Variants in LRRC31 observed in about 807,000 individuals in gnomAD.
LRRC31 encodes the protein leucine-rich repeat-containing protein 31.
Under a neutral mutation model 46.7 loss-of-function variants are expected in LRRC31, and 35 were observed. The ratio of observed to expected loss-of-function variants is 0.75; its 90% CI spans 0.57 to 0.99. LRRC31 has a LOEUF of 0.99. Among genes scored for constraint, LRRC31 ranks in the 50% least tolerant of loss-of-function variants. The pLI, the probability that LRRC31 is intolerant of heterozygous loss-of-function variation, is 0.00. For synonymous variants in LRRC31, 236 were observed against 235.1 expected (o/e 1.00, Z -0.03); for missense variants, 613 against 626.1 (o/e 0.98, Z 0.22).
intron 1 of LRRC31, among the ~76,000 whole-genome samples, chr3:169,864,906 G>A (rs1283533218): frequency 3.3e-5 from 5 of 151,976 alleles, no homozygotes; most frequent in African/African-American, 7.2e-5. Flanking sequence ...GCAAAACACC[G>A]TCTCTATTAA....
rs946424667 is a variant in LRRC31, at chr3:169,848,438, G to A, written c.1160-151C>T. 6.1e-6 allele frequency: 4 copies of A among 654,438 alleles called. No homozygotes were observed. In the East Asian group the frequency reaches 8.5e-5, roughly 14 times the overall value. The allele number at this position is 654,438 out of a possible 1,614,324, so 40.5% of individuals were successfully genotyped here. A position where few individuals can be genotyped will look rare whatever the true frequency, so the allele number is the denominator to read the frequency against. On this transcript the variant is annotated intron_variant, in intron 7 of 8. Transcript: ENST00000316428. ...CATTTTCTTCTGCCTTAAATTTATG[G>A]CCTCAATTTATGTTGTCTGTTTTTT...
intron 8 of LRRC31, among the ~76,000 whole-genome samples, chr3:169,844,066 CTG>C (rs1261578633): frequency 6.6e-6 from 1 of 152,056 alleles, no homozygotes; most frequent in Non-Finnish European, 1.5e-5. Flanking sequence ...CACAATCTTT[CTG>C]GAAAATAAAA....
chr3:169,862,833 T>C (rs1346547009), intron 1 of LRRC31, among the ~76,000 whole-genome samples: 3 of 152,092 alleles, frequency 2.0e-5, no homozygotes, highest in Non-Finnish European at 2.9e-5. Flanking sequence ...GCACCTGTTA[T>C]GTACTCGTTC....
intron 6 of LRRC31, among the ~76,000 whole-genome samples, chr3:169,852,208 C>T (rs1228753358): frequency 6.7e-6 from 1 of 149,504 alleles, no homozygotes; most frequent in Non-Finnish European, 1.5e-5. Context: ...ACCATCCTGG[C>T]TAACACGGTG....
intron 1 of LRRC31, 83 bp downstream of exon 1, chr3:169,869,550 A>C (rs1781427199): frequency 2.3e-6 from 3 of 1,305,494 alleles, no homozygotes; most frequent in African/African-American, 3.0e-5. Flanking sequence ...GTACCCACAA[A>C]AATTAAAAAT....
intron 7 of LRRC31, among the ~76,000 whole-genome samples, chr3:169,850,887 C>T (rs1576787362): frequency 6.6e-6 from 1 of 152,072 alleles, no homozygotes. Flanking sequence ...AAATCCATCA[C>T]CCAGGGAAAC....
chr3:169,844,741 G>A (rs1331072033), intron 8 of LRRC31, among the ~76,000 whole-genome samples: 1 of 152,120 alleles, frequency 6.6e-6, no homozygotes, highest in African/African-American at 2.4e-5. Flanking sequence ...AGACTATCCT[G>A]ACCAACATGG....
At chr3:169,841,496 A>C (rs1780447074) in intron 8 of LRRC31, among the ~76,000 whole-genome samples, 2 of 152,190 alleles carry the variant, frequency 1.3e-5, no homozygotes, top group Admixed American at 6.5e-5. Flanking sequence ...CTCTGTCTCT[A>C]GGTGTTCATG....
chr3:169,857,345 T>TATATATATATACACAC (rs1491209579), intron 3 of LRRC31, among the ~76,000 whole-genome samples: 7 of 89,424 alleles, frequency 7.8e-5, no homozygotes, highest in Admixed American at 1.4e-4. Flanking sequence ...TATATATATA[T>TATATATATATACACAC]ACACACACAC....
intron 1 of LRRC31, among the ~76,000 whole-genome samples, chr3:169,863,530 T>A (rs1258511533): frequency 6.6e-6 from 1 of 151,110 alleles, no homozygotes; most frequent in Non-Finnish European, 1.5e-5. Context: ...TGTGGCTTCC[T>A]GTTTGGTCTA....
intron 1 of LRRC31, among the ~76,000 whole-genome samples, chr3:169,863,134 C>T (rs1156432478): frequency 2.0e-5 from 3 of 152,034 alleles, no homozygotes; most frequent in African/African-American, 4.8e-5. Context: ...TCCACCTACC[C>T]GGCCTCCCAA....
intron 8 of LRRC31, among the ~76,000 whole-genome samples, chr3:169,843,774 A>G (rs1780520913): frequency 6.6e-6 from 1 of 152,228 alleles, no homozygotes; most frequent in Non-Finnish European, 1.5e-5. Flanking sequence ...CAGGAATGAG[A>G]CAGGTGGTAT....
intron 4 of LRRC31, 61 bp from the exon 5 acceptor site, chr3:169,856,564 CCTGGG>C: frequency 7.0e-7 from 1 of 1,424,824 alleles, no homozygotes; most frequent in Non-Finnish European, 9.4e-7. Context: ...TTTTACATCA[CCTGGG>C]GATATCGTGA....
intron 7 of LRRC31, among the ~76,000 whole-genome samples, chr3:169,848,535 C>A (rs550875870): frequency 6.6e-6 from 1 of 152,324 alleles, no homozygotes; most frequent in South Asian, 2.1e-4. Context: ...TGGCTCACTG[C>A]AACCTCCGCC....
intron 1 of LRRC31, among the ~76,000 whole-genome samples, chr3:169,862,763 AAAAT>A (rs576096118): frequency 2.0e-5 from 3 of 152,244 alleles, no homozygotes; most frequent in African/African-American, 4.8e-5. Context: ...GCATCTAAAA[AAAAT>A]AAATAAATAA....
chr3:169,862,526 G>A (rs994575872), intron 1 of LRRC31, among the ~76,000 whole-genome samples: 1 of 152,124 alleles, frequency 6.6e-6, no homozygotes, highest in East Asian at 1.9e-4. Flanking sequence ...ACTTTGGAAG[G>A]CTGAGGCGGG....
chr3:169,846,492 A>C (rs1780609298), intron 8 of LRRC31, among the ~76,000 whole-genome samples: 1 of 152,216 alleles, frequency 6.6e-6, no homozygotes, highest in Non-Finnish European at 1.5e-5. Context: ...TCTACCAAAA[A>C]TACAAAAATT....
intron 6 of LRRC31, chr3:169,853,291 A>G (rs1780845185): frequency 1.0e-6 from 1 of 985,188 alleles, no homozygotes; most frequent in African/African-American, 1.7e-5. Context: ...AGAATGTTCA[A>G]TTATTTAACA....
intron 1 of LRRC31, among the ~76,000 whole-genome samples, chr3:169,862,958 C>T (rs535954756): frequency 6.6e-6 from 1 of 151,386 alleles, no homozygotes; most frequent in African/African-American, 2.4e-5. Context: ...TCTCAGCTCA[C>T]TGCAACCTCC....
Sources: gnomAD v4.1 joint callset for allele counts (sites outside exome capture counted in the v4.1 genomes callset) on GRCh38, gnomAD v4.1.1 for gene constraint, MANE v1.5 for transcripts, NCBI Gene and HGNC (gene_info 2026-07-23, HGNC 2026-07-21) for gene names.